Variants in SNX19 observed in about 807,000 individuals in gnomAD.
The protein encoded by SNX19 is sorting nexin 19, also known as sorting nexin-19.
Under a neutral mutation model 85.2 loss-of-function variants are expected in SNX19, and 60 were observed. That is an observed-to-expected ratio of 0.70 (90% CI 0.57 to 0.87). The LOEUF (loss-of-function observed/expected upper bound fraction) is 0.87, where lower values mean the gene tolerates loss of function less well. SNX19 is among the 40% of genes least tolerant of loss of function. The pLI, the probability that SNX19 is intolerant of heterozygous loss-of-function variation, is 0.00. For missense variants in SNX19, 1,201 were observed against 1,217.8 expected, an observed-to-expected ratio of 0.99 and a Z score of 0.21; for synonymous variants, 520 against 470.0, an observed-to-expected ratio of 1.11 and a Z score of -1.38.
At chr11:130,906,386 T>C (rs974627779) in intron 6 of SNX19, among the ~76,000 whole-genome samples, 1 of 152,110 alleles carries the variant, frequency 6.6e-6, no homozygotes, top group African/African-American at 2.4e-5. Context: ...TTCTTTCTTA[T>C]CTTGTCATCC....
rs769428737 is a variant in SNX19, at chr11:130,906,648, A to G, written c.2239T>C (p.Tyr747His). 2 of 1,612,942 alleles carry G rather than the reference A, an allele frequency of 1.2e-6. No individual in the cohort carries two copies. Among genetic ancestry groups the G allele is most frequent in the Admixed American group, 1.7e-5 (1 of 60,018 alleles). ...ACCACATTGCCTTCCTGGAGACAAT[A>G]AAGAATCTTGTCTTGTGCTTCAGTC... ...SVTEAQDKIL[Y>H]CLQEGNVESE... is the part of the protein sequence containing the mutation. The change falls in exon 6 of 11, where the codon TAT becomes CAT. Residue 747 changes from tyrosine (Y) to histidine (H), a missense_variant. Around this residue, in one of 3 missense-constraint regions of SNX19, gnomAD observed 285 missense variants for 295.3 expected, o/e 0.97. Coordinates refer to ENST00000265909, the MANE Select transcript of SNX19 (RefSeq NM_014758.3).
At chr11:130,878,583 T>C in intron 10 of SNX19, 29 bp from the exon 11 acceptor site, 1 of 1,605,044 alleles carries the variant, frequency 6.2e-7, no homozygotes, top group Non-Finnish European at 8.5e-7. Flanking sequence ...AAACTTAGGG[T>C]CTGGCTCAAT....
At position 130,914,943 on chromosome 11, in the gene SNX19, G is replaced by A. The variant is rs185989409; in HGVS notation, c.997C>T (p.His333Tyr). 177 of 1,614,142 alleles carry A rather than the reference G, an allele frequency of 1.1e-4. No individual in the cohort carries two copies. In the East Asian group the frequency reaches 3.7e-3, roughly 34 times the overall value. ...CCCAAATCTCCCTCTACAGCTTCGTGGCCTTCTTCAACCTCTGGAGAGGGG... is the reference window on the plus strand; with the variant it reads ...CCCAAATCTCCCTCTACAGCTTCGTAGCCTTCTTCAACCTCTGGAGAGGGG... ...AGPSPEVEEG[H>Y]EAVEGDLGGM... is the part of the protein sequence containing the mutation. Residue 333 changes from histidine to tyrosine, a missense_variant, in exon 1 of 11, where the codon CAC becomes TAC. His to Tyr is a moderately conservative substitution (Grantham distance 83). Around this residue, in one of 3 missense-constraint regions of SNX19, gnomAD observed 791 missense variants for 750.9 expected, o/e 1.05. Transcript: ENST00000265909.
rs1366228511 is a variant in SNX19 at position 130,892,308 on chromosome 11, T to C, written c.2573+10947A>G. On this transcript the variant is annotated intron_variant, in intron 8 of 10. Transcript: ENST00000265909. ...GACACTGAAAAGCGACAGACAGGTT[T>C]GAACCTGGCTTAACCACATAAAAGT... Among the ~76,000 whole-genome samples, 5 of 152,044 alleles carry C rather than the reference T, an allele frequency of 3.3e-5. No homozygotes were observed. The East Asian group carries it at 9.6e-4, about 29-fold the overall frequency.
Position 130,914,432 on chromosome 11 carries a change from A to G in SNX19, c.1508T>C (p.Leu503Pro). The G allele has an allele frequency of 6.2e-7, 1 of 1,613,930 alleles. No homozygotes were observed. Among genetic ancestry groups the G allele is most frequent in the Non-Finnish European group, 8.5e-7 (1 of 1,179,850 alleles). The change falls in exon 1 of 11, where the codon CTT (leucine) becomes CCT (proline). Residue 503 changes from leucine to proline, a missense_variant. Physicochemically the swap from Leu to Pro is moderately conservative, Grantham distance 98. Transcript: ENST00000265909. ...GAGAGGACCAGGTGGAGAGGAGGAA[A>G]GCAGAACTGGTGGCAGAGTAGGATC... ...SLDPTLPPVL[L>P]SSSPPGPLSS...
At chr11:130,897,816 G>A (rs1313640702) in intron 8 of SNX19, among the ~76,000 whole-genome samples, 1 of 152,192 alleles carries the variant, frequency 6.6e-6, no homozygotes, top group Non-Finnish European at 1.5e-5. Context: ...TTTCGGGCAT[G>A]AGCAGAGTTT....
chr11:130,905,978 G>A lies in SNX19; in HGVS notation c.2418C>T (p.Ala806=). 6.2e-7 allele frequency: 1 copy of A among 1,614,208 alleles called. No homozygotes were observed. Among genetic ancestry groups the A allele is most frequent in the Non-Finnish European group, 8.5e-7 (1 of 1,180,036 alleles). ...DSCVSDAAVP[A]QDPSNSDPGT... ...CTGGATCGCTGTTGCTGGGGTCTTG[G>A]GCTGGCACGGCTGCATCTGACACGC... Residue 806 remains alanine (A), a synonymous_variant, in exon 7 of 11, where the codon GCC becomes GCT. Coordinates refer to ENST00000265909, the MANE Select transcript of SNX19 (RefSeq NM_014758.3).
At position 130,889,415 on chromosome 11, in the gene SNX19, G is replaced by A. The variant is rs1440688713; in HGVS notation, c.2574-8609C>T. On this transcript the variant is annotated intron_variant, in intron 8 of 10. Coordinates refer to ENST00000265909, the MANE Select transcript of SNX19 (RefSeq NM_014758.3). ...GACCCCCCAGAAAAAGACTCTTAAGGTTTTGAAGGCAGAAATCTTATGTAA... is the reference window on the plus strand; with the variant it reads ...GACCCCCCAGAAAAAGACTCTTAAGATTTTGAAGGCAGAAATCTTATGTAA... Among the ~76,000 whole-genome samples, 3 of 152,004 alleles carry A rather than the reference G, an allele frequency of 2.0e-5. No individual in the cohort carries two copies. The East Asian group carries it at 5.8e-4, about 29-fold the overall frequency.
chr11:130,888,616 C>T (rs879788985), intron 8 of SNX19, among the ~76,000 whole-genome samples: 4 of 152,196 alleles, frequency 2.6e-5, no homozygotes, highest in Non-Finnish European at 4.4e-5. Context: ...TCACAAACAT[C>T]TATTTCGTCA....
Position 130,874,247 on chromosome 11 carries a change from C to G in SNX19, c.*4175G>C, listed in dbSNP as rs1261607427. 6.6e-6 allele frequency among the ~76,000 whole-genome samples: 1 copy of G among 152,126 alleles called. No individual in the cohort carries two copies. The highest frequency in any genetic ancestry group is 6.5e-5 in the Admixed American group (1 of 15,272). ...CTATGTTCCAGGCTGGTCTTAAACT[C>G]CTGGACTCAAACAATCCCCCAACCT... On this transcript the variant is annotated 3_prime_UTR_variant, in exon 11 of 11. Coordinates refer to ENST00000265909, the MANE Select transcript of SNX19 (RefSeq NM_014758.3).
At position 130,903,312 on chromosome 11, in the gene SNX19, A is replaced by G. The variant is rs142452966; in HGVS notation, c.2516T>C (p.Leu839Pro). 12 of 1,613,974 alleles carry G rather than the reference A, an allele frequency of 7.4e-6. No homozygotes were observed. In the African/African-American group the frequency reaches 1.6e-4, roughly 22 times the overall value. Residue 839 changes from leucine to proline, a missense_variant, in exon 8 of 11, where the codon CTA becomes CCA. Leu to Pro is a moderately conservative substitution (Grantham distance 98). This residue lies in a region of SNX19 where 285 missense variants were observed against 295.3 expected (regional missense o/e 0.97). Coordinates refer to ENST00000265909, the MANE Select transcript of SNX19 (RefSeq NM_014758.3). ...LLLLTEQWKW[L>P]CTENMQKFLR... ...AAACTTTTGCATGTTTTCGGTACATAGCCATTTCCACTGTTCTGTTAGTAG... is the reference window on the plus strand; with the variant it reads ...AAACTTTTGCATGTTTTCGGTACATGGCCATTTCCACTGTTCTGTTAGTAG...
In SNX19 at chr11:130,876,159, C is replaced by A. The variant is rs534277589; in HGVS notation, c.*2263G>T. 3.9e-5 allele frequency: 6 copies of A among 152,104 alleles called. No homozygotes were observed. The highest frequency in any genetic ancestry group is 1.4e-4 in the African/African-American group (6 of 41,414). 9.4% of individuals were successfully genotyped at this position (152,104 alleles called of 1,614,324 possible). A position where few individuals can be genotyped will look rare whatever the true frequency, so the allele number is the denominator to read the frequency against. On this transcript the variant is annotated 3_prime_UTR_variant, in exon 11 of 11. Coordinates refer to ENST00000265909, the MANE Select transcript of SNX19 (RefSeq NM_014758.3). ...CGAGTAAATACAAAAAACAAGCAAA[C>A]AATAAAACCTTCCTGGATCAGCACA...
Position 130,871,579 on chromosome 11 carries a change from G to A in SNX19, c.*6843C>T, listed in dbSNP as rs1031198278. Among the ~76,000 whole-genome samples, 23 of 152,112 alleles carry A rather than the reference G, an allele frequency of 1.5e-4. No individual in the cohort carries two copies. Among genetic ancestry groups the A allele is most frequent in the Admixed American group, 1.2e-3 (18 of 15,264 alleles). On this transcript the variant is annotated 3_prime_UTR_variant, in exon 11 of 11. Transcript: ENST00000265909. ...AGGATGATTCTTCACCCAGGGGCAC[G>A]GGCAAAAGGGCTGATTACCTATGCT...
chr11:130,905,771 G>A, intron 7 of SNX19, 182 bp downstream of exon 7: 1 of 1,537,804 alleles, frequency 6.5e-7, no homozygotes, highest in Non-Finnish European at 8.7e-7. Flanking sequence ...TGATTCCGCT[G>A]TGGCAACTAT....
intron 4 of SNX19, among the ~76,000 whole-genome samples, chr11:130,909,394 C>A (rs1384704247): frequency 6.6e-6 from 1 of 152,176 alleles, no homozygotes; most frequent in Non-Finnish European, 1.5e-5. Flanking sequence ...TGTTTCCCAA[C>A]CCTATAAAAC....
intron 8 of SNX19, among the ~76,000 whole-genome samples, chr11:130,896,044 T>C (rs1440643832): frequency 1.3e-5 from 2 of 152,180 alleles, no homozygotes; most frequent in East Asian, 3.9e-4. Context: ...AAGCCATCAA[T>C]GAGAAAAATT....
Position 130,866,806 on chromosome 11 carries a change from T to C in SNX19, c.*11616A>G, listed in dbSNP as rs1221319428. The C allele has an allele frequency of 1.3e-5, 2 of 152,206 alleles. No individual in the cohort carries two copies. Among genetic ancestry groups the C allele is most frequent in the Non-Finnish European group, 2.9e-5 (2 of 68,056 alleles). The allele number at this position is 152,206 out of a possible 1,614,324, so 9.4% of individuals were successfully genotyped here. A position where few individuals can be genotyped will look rare whatever the true frequency, so the allele number is the denominator to read the frequency against. On this transcript the variant is annotated 3_prime_UTR_variant, in exon 11 of 11. Coordinates refer to ENST00000265909, the MANE Select transcript of SNX19 (RefSeq NM_014758.3). ...ACCTGTATACGAAGGATAGTCCTGG[T>C]GTGGGGCAGCAGAAATGCCACTGAG...
intron 8 of SNX19, among the ~76,000 whole-genome samples, chr11:130,891,395 G>T (rs1944484359): frequency 6.6e-6 from 1 of 152,182 alleles, no homozygotes; most frequent in Admixed American, 6.5e-5. Flanking sequence ...GAAGGCAAGG[G>T]AGTGGGTCAG....
At chr11:130,890,038 G>A (rs1944389417) in intron 8 of SNX19, among the ~76,000 whole-genome samples, 1 of 152,114 alleles carries the variant, frequency 6.6e-6, no homozygotes, top group South Asian at 2.1e-4. Flanking sequence ...ATATAAATCA[G>A]AGTAGATACT....
Sources: gnomAD v4.1 joint callset for allele counts (sites outside exome capture counted in the v4.1 genomes callset) on GRCh38, gnomAD v4.1.1 for gene constraint, gnomAD v4.1.1 regional missense constraint, MANE v1.5 for transcripts, NCBI Gene and HGNC (gene_info 2026-07-23, HGNC 2026-07-21) for gene names.